TFCP2L1: variants seen among roughly 807,000 people sequenced by gnomAD.
TFCP2L1 encodes the protein transcription factor CP2 like 1.
Under a neutral mutation model 72.2 loss-of-function variants are expected in TFCP2L1, and 12 were observed. That is an observed-to-expected ratio of 0.17 (90% CI 0.11 to 0.27). TFCP2L1 has a LOEUF of 0.27. Ranked by LOEUF, TFCP2L1 falls within the 10% of genes least tolerant of loss-of-function variation. The pLI, the probability that TFCP2L1 is intolerant of heterozygous loss-of-function variation, is 1.00. For synonymous variants in TFCP2L1, 260 were observed against 251.0 expected (o/e 1.04, Z -0.34); for missense variants, 488 against 624.6 (o/e 0.78, Z 2.33).
At chr2:121,248,872 G>C (rs1245431988) in intron 4 of TFCP2L1, 110 bp downstream of exon 4, 1 of 810,540 alleles carries the variant, frequency 1.2e-6, no homozygotes, top group Admixed American at 3.1e-5. Flanking sequence ...CACAGAGCAG[G>C]TGCAAGCTAA....
At chr2:121,272,563 T>C (rs1687066592) in intron 2 of TFCP2L1, among the ~76,000 whole-genome samples, 1 of 152,174 alleles carries the variant, frequency 6.6e-6, no homozygotes. Flanking sequence ...GAGATGCAGT[T>C]CTTAGCTTTA....
chr2:121,239,072 T>C (rs747241652), intron 8 of TFCP2L1, among the ~76,000 whole-genome samples: 1 of 152,110 alleles, frequency 6.6e-6, no homozygotes, highest in African/African-American at 2.4e-5. Context: ...TCAGGGTCCA[T>C]GTGGCCTGTG....
At chr2:121,257,170 A>G (rs1265125930) in intron 2 of TFCP2L1, among the ~76,000 whole-genome samples, 1 of 152,200 alleles carries the variant, frequency 6.6e-6, no homozygotes, top group Admixed American at 6.5e-5. Flanking sequence ...AGCCCAGCCC[A>G]GAGGAGCCAA....
At chr2:121,231,646 T>C (rs111257135) in intron 13 of TFCP2L1, among the ~76,000 whole-genome samples, 180 bp downstream of exon 13, 3,009 of 152,356 alleles carry the variant, frequency 0.02, 116 homozygotes, top group African/African-American at 0.067. Flanking sequence ...GGCAGCCATT[T>C]GGACCCAGAC....
intron 14 of TFCP2L1, among the ~76,000 whole-genome samples, chr2:121,225,099 A>G (rs1685999396): frequency 6.6e-6 from 1 of 152,052 alleles, no homozygotes. Context: ...GACATATCCT[A>G]TACATGCACC....
At chr2:121,230,901 C>T (rs1434071824) in intron 13 of TFCP2L1, among the ~76,000 whole-genome samples, 2 of 152,122 alleles carry the variant, frequency 1.3e-5, no homozygotes, top group African/African-American at 4.8e-5. Flanking sequence ...TGCAGCGAGA[C>T]CCTGTCTCAA....
chr2:121,239,427 G>T, intron 8 of TFCP2L1, 131 bp downstream of exon 8: 1 of 964,422 alleles, frequency 1.0e-6, no homozygotes, highest in Non-Finnish European at 1.6e-6. Context: ...GAAGACAGTT[G>T]TGACTGCAAC....
chr2:121,253,589 C>T (rs2104714088), intron 2 of TFCP2L1, among the ~76,000 whole-genome samples: 1 of 152,288 alleles, frequency 6.6e-6, no homozygotes, highest in Admixed American at 6.5e-5. Context: ...GCCACAGGGC[C>T]CAGTTATAGC....
In TFCP2L1 at chr2:121,281,106, C is replaced by A; in HGVS notation, c.214+14G>T. The A allele has an allele frequency of 1.1e-5, 17 of 1,613,964 alleles. No homozygotes were observed. The highest frequency in any genetic ancestry group is 1.4e-5 in the Non-Finnish European group (17 of 1,180,010). ...TTCTGGGTTCCGCCCTGGCCCGGGG[C>A]CTCTGGCCACTACCTTGGTTGAGGT... On this transcript the variant is annotated intron_variant, in intron 2 of 14. Transcript: ENST00000263707.
chr2:121,255,726 T>C (rs368968778), intron 2 of TFCP2L1, among the ~76,000 whole-genome samples: 90 of 151,974 alleles, frequency 5.9e-4, no homozygotes, highest in African/African-American at 2.1e-3. Flanking sequence ...AGTGTATCTA[T>C]TACATTTCCC....
chr2:121,230,323 C>CACCA (rs1347950415), intron 13 of TFCP2L1, among the ~76,000 whole-genome samples: 1 of 152,200 alleles, frequency 6.6e-6, no homozygotes, highest in African/African-American at 2.4e-5. Flanking sequence ...AGGCATGCAC[C>CACCA]ACCATGCCCG....
intron 2 of TFCP2L1, among the ~76,000 whole-genome samples, chr2:121,267,853 G>A (rs915401388): frequency 2.6e-5 from 4 of 152,098 alleles, no homozygotes; most frequent in Admixed American, 6.6e-5. Flanking sequence ...AAGTAACCTC[G>A]TATTTATTTC....
chr2:121,235,122 C>T (rs1256307543), intron 11 of TFCP2L1, 99 bp downstream of exon 11: 5 of 1,331,080 alleles, frequency 3.8e-6, no homozygotes, highest in Non-Finnish European at 4.3e-6. Flanking sequence ...GTCCCCCCAG[C>T]CAGACCACCC....
At chr2:121,281,945 G>T (rs549137633) in intron 1 of TFCP2L1, among the ~76,000 whole-genome samples, 1 of 141,844 alleles carries the variant, frequency 7.1e-6, no homozygotes, top group African/African-American at 2.6e-5. Context: ...GGGCGGGGGC[G>T]GGGGGGACGG....
intron 1 of TFCP2L1, among the ~76,000 whole-genome samples, chr2:121,284,545 C>T (rs1328594461): frequency 6.6e-6 from 1 of 152,240 alleles, no homozygotes; most frequent in East Asian, 1.9e-4. Flanking sequence ...GGCGGCCTGC[C>T]CCTCCGAGCC....
In TFCP2L1 at chr2:121,234,197, G is replaced by T. The variant is rs1321826408; in HGVS notation, c.1095-3C>A. On this transcript the variant is annotated splice_region_variant and splice_polypyrimidine_tract_variant and intron_variant, in intron 11 of 14. Coordinates refer to ENST00000263707, the MANE Select transcript of TFCP2L1 (RefSeq NM_014553.3). ...TGGTCATCTTTGGCCTCACATTCCTGGCAGGAGAAGAGAAAATAAATAATA... is the reference window on the plus strand; with the variant it reads ...TGGTCATCTTTGGCCTCACATTCCTTGCAGGAGAAGAGAAAATAAATAATA... 2 of 1,613,816 alleles carry T rather than the reference G, an allele frequency of 1.2e-6. No individual in the cohort carries two copies. The highest frequency in any genetic ancestry group is 1.7e-6 in the Non-Finnish European group (2 of 1,179,754).
Position 121,234,103 on chromosome 2 carries a change from T to G in TFCP2L1, c.1186A>C (p.Ser396Arg). 1 of 1,613,538 alleles carries G rather than the reference T, an allele frequency of 6.2e-7. No individual in the cohort carries two copies. The highest frequency in any genetic ancestry group is 8.5e-7 in the Non-Finnish European group (1 of 1,180,022). Residue 396 changes from serine (S) to arginine (R), a missense_variant, in exon 12 of 15, where the codon AGC becomes CGC. Physicochemically the swap from Ser to Arg is moderately radical, Grantham distance 110 (BLOSUM62 -1). Around this residue, in one of 3 missense-constraint regions of TFCP2L1, gnomAD observed 286 missense variants for 329.0 expected, o/e 0.87. Transcript: ENST00000263707. ...CCCCACAACTCACCAGACAGGTTGC[T>G]GTCTCCACTGCCGTCCCGCTTCTGC... The part of the protein sequence containing the change: ...LQQKRDGSGD[S>R]NLSVYHAIFL...
intron 2 of TFCP2L1, among the ~76,000 whole-genome samples, chr2:121,261,279 T>G (rs1016593796): frequency 1.2e-4 from 19 of 152,194 alleles, no homozygotes; most frequent in Admixed American, 1.0e-3. Flanking sequence ...TGGCGTAAGA[T>G]GAATCCAAGT....
intron 13 of TFCP2L1, among the ~76,000 whole-genome samples, chr2:121,229,160 AC>A (rs1686092774): frequency 6.6e-6 from 1 of 151,940 alleles, no homozygotes; most frequent in Non-Finnish European, 1.5e-5. Context: ...CAGGTGATCC[AC>A]CTGCCTCAGC....
Sources: gnomAD v4.1 joint callset for allele counts (sites outside exome capture counted in the v4.1 genomes callset) on GRCh38, gnomAD v4.1.1 for gene constraint, gnomAD v4.1.1 regional missense constraint, MANE v1.5 for transcripts, NCBI Gene and HGNC (gene_info 2026-07-23, HGNC 2026-07-21) for gene names.